The following PNPLA1 variants were observed in gnomAD, a reference collection of about 807,000 sequenced individuals.
The protein encoded by PNPLA1 is patatin like domain 1, omega-hydroxyceramide transacylase.
A neutral mutation model predicts 51.7 loss-of-function variants in PNPLA1; 36 were observed. The observed-to-expected ratio is 0.70, with a 90% confidence interval of 0.53 to 0.92. PNPLA1 has a LOEUF of 0.92. Among genes scored for constraint, PNPLA1 ranks in the 40% least tolerant of loss-of-function variants. PNPLA1 has a pLI of 0.00. For missense variants in PNPLA1, 658 were observed against 682.5 expected, an observed-to-expected ratio of 0.96 and a Z score of 0.40; for synonymous variants, 293 against 280.1, an observed-to-expected ratio of 1.05 and a Z score of -0.46.
intron 1 of PNPLA1, among the ~76,000 whole-genome samples, chr6:36,258,049 T>C (rs750319683): frequency 6.6e-6 from 1 of 152,160 alleles, no homozygotes; most frequent in African/African-American, 2.4e-5. Flanking sequence ...GGTCTAGAAC[T>C]CCTGGTATCA....
chr6:36,313,462 G>T lies in PNPLA1; in HGVS notation c.*1576G>T, dbSNP rs1771449407. ...GGACCATACTAAACTGCCCTTTGGA[G>T]CCTGAGGAGACCATATGCAAATTTA... On this transcript the variant is annotated 3_prime_UTR_variant, in exon 9 of 9. Transcript: ENST00000636260. 6.6e-6 allele frequency among the ~76,000 whole-genome samples: 1 copy of T among 152,224 alleles called. No homozygotes were observed. Among genetic ancestry groups the T allele is most frequent in the African/African-American group, 2.4e-5 (1 of 41,456 alleles).
chr6:36,285,645 C>G (rs1445187478), intron 1 of PNPLA1, among the ~76,000 whole-genome samples: 1 of 152,112 alleles, frequency 6.6e-6, no homozygotes, highest in Non-Finnish European at 1.5e-5. Flanking sequence ...TTATTCATGC[C>G]TGCGTGCATG....
At chr6:36,300,537 C>T (rs1561869984) in intron 5 of PNPLA1, among the ~76,000 whole-genome samples, 2 of 152,040 alleles carry the variant, frequency 1.3e-5, no homozygotes, top group African/African-American at 2.4e-5. Context: ...GTAGAACGTC[C>T]CTCAGTTGGG....
At chr6:36,299,575 C>G (rs1031345749) in intron 5 of PNPLA1, among the ~76,000 whole-genome samples, 2 of 152,128 alleles carry the variant, frequency 1.3e-5, no homozygotes, top group Non-Finnish European at 2.9e-5. Context: ...ACCTCGTGAT[C>G]CACCCGCCTC....
At position 36,302,088 on chromosome 6, in the gene PNPLA1, C is replaced by T. The variant is rs893355470; in HGVS notation, c.1003C>T (p.Leu335Phe). 1 of 1,614,130 alleles carries T rather than the reference C, an allele frequency of 6.2e-7. No individual in the cohort carries two copies. The highest frequency in any genetic ancestry group is 8.5e-7 in the Non-Finnish European group (1 of 1,180,054). ...GCCTGTGTCCCAACCTGTGCAGACA[C>T]TTGAATTCACATGCGAGTCACCTGT... ...GPPVSQPVQT[L>F]EFTCESPVSA... The change falls in exon 6 of 9, where the codon CTT becomes TTT. Residue 335 changes from leucine (L) to phenylalanine (F), a missense_variant. Coordinates refer to ENST00000636260, the MANE Select transcript of PNPLA1 (RefSeq NM_001374623.1).
At chr6:36,287,360 C>T (rs1055542236) in intron 1 of PNPLA1, among the ~76,000 whole-genome samples, 2 of 151,986 alleles carry the variant, frequency 1.3e-5, no homozygotes, top group African/African-American at 2.4e-5. Context: ...GAATCCCCTC[C>T]TCTGAGCAGA....
intron 6 of PNPLA1, among the ~76,000 whole-genome samples, 190 bp downstream of exon 6, chr6:36,302,659 C>G (rs1044831820): frequency 6.6e-6 from 1 of 152,178 alleles, no homozygotes; most frequent in Non-Finnish European, 1.5e-5. Flanking sequence ...TGGTTCATTT[C>G]CCTTGGTGCA....
upstream of PNPLA1, among the ~76,000 whole-genome samples, chr6:36,267,793 C>T (rs1197690721): frequency 6.6e-6 from 1 of 152,130 alleles, no homozygotes; most frequent in Non-Finnish European, 1.5e-5. Flanking sequence ...CTGCCCCCCC[C>T]ATGGATAGTG....
At chr6:36,307,154 G>T (rs1467504443) in intron 7 of PNPLA1, among the ~76,000 whole-genome samples, 1 of 152,132 alleles carries the variant, frequency 6.6e-6, no homozygotes, top group Admixed American at 6.5e-5. Flanking sequence ...ACAGCTGCAG[G>T]TATTGAGAGA....
intron 1 of PNPLA1, among the ~76,000 whole-genome samples, chr6:36,277,440 G>A (rs867782272): frequency 6.6e-5 from 10 of 152,218 alleles, no homozygotes; most frequent in South Asian, 2.1e-4. Context: ...TTGGAGGTTC[G>A]ATTACAAAGG....
Position 36,306,407 on chromosome 6 carries a change from T to A in PNPLA1, c.1469+31T>A, listed in dbSNP as rs774690711. 3.9e-5 allele frequency: 61 copies of A among 1,574,698 alleles called. No homozygotes were observed. In the South Asian group the frequency reaches 6.3e-4, roughly 16 times the overall value. Reference sequence around the variant, plus strand: ...TTTCCCCTTCGTGGAGCACGCTCTTTCCTTTGGACGGAAGAAGCAAGCCCG... The same window carrying A: ...TTTCCCCTTCGTGGAGCACGCTCTTACCTTTGGACGGAAGAAGCAAGCCCG... On this transcript the variant is annotated intron_variant, in intron 7 of 8. Coordinates refer to ENST00000636260, the MANE Select transcript of PNPLA1 (RefSeq NM_001374623.1).
chr6:36,306,045 G>A (rs1428072983), intron 6 of PNPLA1, among the ~76,000 whole-genome samples: 1 of 152,120 alleles, frequency 6.6e-6, no homozygotes, highest in Non-Finnish European at 1.5e-5. Flanking sequence ...ATGAGCCACC[G>A]GGCCTGCCCC....
chr6:36,301,778 G>A (rs1771056351), intron 5 of PNPLA1, 83 bp from the exon 6 acceptor site: 1 of 1,505,454 alleles, frequency 6.6e-7, no homozygotes, highest in African/African-American at 1.4e-5. Flanking sequence ...TTCCTGTTTA[G>A]GAAAATAACT....
chr6:36,274,711 C>G (rs975594463), intron 1 of PNPLA1, among the ~76,000 whole-genome samples: 3 of 152,220 alleles, frequency 2.0e-5, no homozygotes, highest in African/African-American at 4.8e-5. Flanking sequence ...CAATGTCACA[C>G]TTGAAAATCT....
At position 36,294,676 on chromosome 6, in the gene PNPLA1, C is replaced by G. The variant is rs190362377; in HGVS notation, c.714+277C>G. 6.6e-6 allele frequency among the ~76,000 whole-genome samples: 1 copy of G among 152,266 alleles called. No homozygotes were observed. The highest frequency in any genetic ancestry group is 1.9e-4 in the East Asian group (1 of 5,178). On this transcript the variant is annotated intron_variant, in intron 4 of 8. Coordinates refer to ENST00000636260, the MANE Select transcript of PNPLA1 (RefSeq NM_001374623.1). The surrounding 1 kb of genome is among the most constrained non-coding windows in gnomAD (Gnocchi z 4.2). Reference sequence around the variant, plus strand: ...TATTAACTGAACCCATCCATTCAGACAGTTCATGTCCCAAATCAAAGGTCG... The same window carrying G: ...TATTAACTGAACCCATCCATTCAGAGAGTTCATGTCCCAAATCAAAGGTCG...
At chr6:36,306,404 C>T (rs768460025) in intron 7 of PNPLA1, 28 bp downstream of exon 7, 24 of 1,583,566 alleles carry the variant, frequency 1.5e-5, no homozygotes, top group Non-Finnish European at 2.0e-5. Context: ...GGAGCACGCT[C>T]TTTCCTTTGG....
At chr6:36,256,102 G>T (rs998216583) in intron 1 of PNPLA1, among the ~76,000 whole-genome samples, 3 of 152,112 alleles carry the variant, frequency 2.0e-5, no homozygotes, top group African/African-American at 7.2e-5. Context: ...TCCTACAGGT[G>T]ATATAATTGA....
chr6:36,307,788 A>C, intron 8 of PNPLA1, 76 bp downstream of exon 8: 1 of 1,569,748 alleles, frequency 6.4e-7, no homozygotes, highest in Non-Finnish European at 8.7e-7. Flanking sequence ...GATTCCGAGG[A>C]ATAGAGGAGA....
At chr6:36,306,780 G>A (rs977835731) in intron 7 of PNPLA1, among the ~76,000 whole-genome samples, 3 of 152,132 alleles carry the variant, frequency 2.0e-5, no homozygotes, top group African/African-American at 7.2e-5. Flanking sequence ...TCTATCAAAG[G>A]CCTTCCTTAC....
Sources: gnomAD v4.1 joint callset for allele counts (sites outside exome capture counted in the v4.1 genomes callset) on GRCh38, gnomAD v4.1.1 for gene constraint, Gnocchi (gnomAD v3.1) non-coding constraint, MANE v1.5 for transcripts, NCBI Gene and HGNC (gene_info 2026-07-23, HGNC 2026-07-21) for gene names.